The following IDUA variants were observed in gnomAD, a reference collection of about 807,000 sequenced individuals.
IDUA encodes the protein iduronidase alpha-L-.
In IDUA, 65 loss-of-function variants were observed where a neutral mutation model predicts 68.9. That is an observed-to-expected ratio of 0.94 (90% CI 0.77 to 1.16). IDUA has a LOEUF of 1.16. IDUA is among the 50% of genes most tolerant of loss of function. IDUA has a pLI of 0.00. For missense variants in IDUA, 1,046 were observed against 938.0 expected (o/e 1.12, Z -1.50); for synonymous variants, 529 against 433.6 (o/e 1.22, Z -2.73).
In IDUA at chr4:1,002,763, G is replaced by A. The variant is rs1715178296; in HGVS notation, c.1221G>A (p.Gln407=). Residue 407 remains glutamine, a synonymous_variant, in exon 9 of 14, where the codon CAG becomes CAA. Coordinates refer to ENST00000514224, the MANE Select transcript of IDUA (RefSeq NM_000203.5). ...DEEQLWAEVS[Q]AGTVLDSNHT... is the part of the protein sequence containing the mutation. Reference sequence around the variant, plus strand: ...AGCAGCTCTGGGCCGAAGTGTCGCAGGCCGGGACCGTCCTGGACAGCAACC... The same window carrying A: ...AGCAGCTCTGGGCCGAAGTGTCGCAAGCCGGGACCGTCCTGGACAGCAACC... 2 of 1,484,532 alleles carry A rather than the reference G, an allele frequency of 1.3e-6. No individual in the cohort carries two copies. Among genetic ancestry groups the A allele is most frequent in the African/African-American group, 2.9e-5 (2 of 68,334 alleles). 92.0% of individuals were successfully genotyped at this position (1,484,532 alleles called of 1,614,324 possible).
chr4:997,466 C>G (rs886477838), intron 2 of IDUA, among the ~76,000 whole-genome samples: 3 of 151,416 alleles, frequency 2.0e-5, no homozygotes, highest in African/African-American at 7.3e-5. Flanking sequence ...GCCGCGCGGT[C>G]TTAGCGGCTC....
At chr4:1,000,503 T>C (rs1715006484) in intron 2 of IDUA, 109 bp from the exon 3 acceptor site, 1 of 869,596 alleles carries the variant, frequency 1.1e-6, no homozygotes, top group Non-Finnish European at 2.0e-6. Flanking sequence ...ATCGGAGTCC[T>C]GTGTGGCACC....
rs1715260293 is a variant in IDUA at position 1,003,598 on chromosome 4, T to A, written c.1700T>A (p.Val567Asp). The change falls in exon 12 of 14, where the codon GTC becomes GAC. Residue 567 changes from valine to aspartate, a missense_variant. Physicochemically the swap from Val to Asp is radical, Grantham distance 152 (BLOSUM62 -3). Coordinates refer to ENST00000514224, the MANE Select transcript of IDUA (RefSeq NM_000203.5). Reference sequence around the variant, plus strand: ...CTGACCCAAGGGCAGCTGGTTCTGGTCTGGTCGGATGAACACGTGGGCTCC... The same window carrying A: ...CTGACCCAAGGGCAGCTGGTTCTGGACTGGTCGGATGAACACGTGGGCTCC... Reference protein sequence around the residue: ...LPLTQGQLVLVWSDEHVGSKC... With the variant: ...LPLTQGQLVLDWSDEHVGSKC... 6.2e-7 allele frequency: 1 copy of A among 1,612,088 alleles called. No individual in the cohort carries two copies. The highest frequency in any genetic ancestry group is 1.7e-5 in the Admixed American group (1 of 59,986).
intron 2 of IDUA, chr4:988,274 G>A: frequency 1.7e-6 from 2 of 1,199,704 alleles, no homozygotes; most frequent in Non-Finnish European, 2.1e-6. Flanking sequence ...TGAGGGCTGA[G>A]CTGAGGTCTC....
In IDUA at chr4:989,670, C is replaced by G. The variant is rs538575250; in HGVS notation, c.299+1721C>G. On this transcript the variant is annotated intron_variant, in intron 2 of 13. Coordinates refer to ENST00000514224, the MANE Select transcript of IDUA (RefSeq NM_000203.5). ...GTGCCAGCGCCAGCAGCACCAGCAG[C>G]ACCACGGTGGCGCTGACCACGCTGG... 40 of 1,574,942 alleles carry G rather than the reference C, an allele frequency of 2.5e-5. No individual in the cohort carries two copies. In the South Asian group the frequency reaches 4.2e-4, roughly 16 times the overall value.
At position 1,003,148 on chromosome 4, in the gene IDUA, C is replaced by G; in HGVS notation, c.1515C>G (p.Arg505=). ...CGGCAGAGCAGTTCCGGCGCATGCG[C>G]GCGGCTGAGGTAGGTGGGCCGCGGA... ...FPTAEQFRRM[R]AAEDPVAAAP... The change falls in exon 10 of 14, where the codon CGC becomes CGG. Residue 505 remains arginine, a synonymous_variant. Transcript: ENST00000514224. 1 of 1,361,156 alleles carries G rather than the reference C, an allele frequency of 7.3e-7. No homozygotes were observed. The highest frequency in any genetic ancestry group is 9.5e-7 in the Non-Finnish European group (1 of 1,052,614). The allele number at this position is 1,361,156 out of a possible 1,614,324, so 84.3% of individuals were successfully genotyped here. A position where few individuals can be genotyped will look rare whatever the true frequency, so the allele number is the denominator to read the frequency against.
chr4:997,915 C>A (rs938813746), intron 2 of IDUA, among the ~76,000 whole-genome samples: 1 of 152,232 alleles, frequency 6.6e-6, no homozygotes, highest in Admixed American at 6.5e-5. Context: ...GGGCTCCCCC[C>A]GCTAGGGTCA....
intron 2 of IDUA, among the ~76,000 whole-genome samples, chr4:994,812 G>C (rs1465575745): frequency 6.6e-6 from 1 of 152,014 alleles, no homozygotes; most frequent in Admixed American, 6.6e-5. Flanking sequence ...CTGTATCCCA[G>C]CTACTCAAGC....
chr4:1,003,810 G>A, intron 12 of IDUA, 185 bp downstream of exon 12: 1 of 792,958 alleles, frequency 1.3e-6, no homozygotes, highest in South Asian at 1.5e-5. Context: ...CCAGTGGGGT[G>A]TGGGTTCTCC....
At position 987,109 on chromosome 4, in the gene IDUA, G is replaced by C; in HGVS notation, c.25G>C (p.Ala9Pro). 6.9e-7 allele frequency: 1 copy of C among 1,445,170 alleles called. No individual in the cohort carries two copies. Among genetic ancestry groups the C allele is most frequent in the Non-Finnish European group, 9.1e-7 (1 of 1,103,208 alleles). 89.5% of individuals were successfully genotyped at this position (1,445,170 alleles called of 1,614,324 possible). The change falls in exon 1 of 14, where the codon GCG becomes CCG. Residue 9 changes from alanine (A) to proline (P), a missense_variant. Ala to Pro is a conservative substitution (Grantham distance 27, BLOSUM62 -1). Coordinates refer to ENST00000514224, the MANE Select transcript of IDUA (RefSeq NM_000203.5). MRPLRPRA[A>P]LLALLASLLA... ...CATGCGTCCCCTGCGCCCCCGCGCC[G>C]CGCTGCTGGCGCTCCTGGCCTCGCT...
chr4:1,001,869 C>A lies in IDUA; in HGVS notation c.780C>A (p.Ser260=). 1 of 1,589,206 alleles carries A rather than the reference C, an allele frequency of 6.3e-7. No individual in the cohort carries two copies. The highest frequency in any genetic ancestry group is 1.7e-4 in the Middle Eastern group (1 of 6,034). ...CGGGCGTGCGGCTGGACTACATCTCCCTCCACAGGAAGGTGCGCCCTGCCC... is the reference window on the plus strand; with the variant it reads ...CGGGCGTGCGGCTGGACTACATCTCACTCCACAGGAAGGTGCGCCCTGCCC... ...GEAGVRLDYI[S]LHRKGARSSI... is the part of the protein sequence containing the mutation. The change falls in exon 6 of 14, where the codon TCC becomes TCA. Residue 260 remains serine, a synonymous_variant. Coordinates refer to ENST00000514224, the MANE Select transcript of IDUA (RefSeq NM_000203.5).
chr4:988,402 G>A (rs894560508), intron 2 of IDUA: 4 of 1,059,730 alleles, frequency 3.8e-6, no homozygotes, highest in Admixed American at 1.0e-4. Flanking sequence ...AGAGACCCTC[G>A]TGCACTTGGC....
At chr4:997,144 C>A (rs1714785018) in intron 2 of IDUA, among the ~76,000 whole-genome samples, 1 of 152,198 alleles carries the variant, frequency 6.6e-6, no homozygotes, top group African/African-American at 2.4e-5. Context: ...GAGACCGGAC[C>A]CGAGTTTATT....
rs188390678 is a variant in IDUA at position 998,987 on chromosome 4, G to A, written c.300-1625G>A. 1.6e-3 allele frequency among the ~76,000 whole-genome samples: 249 copies of A among 152,142 alleles called. 1 individual carries two copies. Among genetic ancestry groups the A allele is most frequent in the Middle Eastern group, 3.4e-3 (1 of 294 alleles). On this transcript the variant is annotated intron_variant, in intron 2 of 13. Transcript: ENST00000514224. ...CTGGAAGCCAAGGTGGGCGGATCAC[G>A]AGGTCAGGAAATGGAAACCATCCTG...
chr4:999,140 G>A lies in IDUA; in HGVS notation c.300-1472G>A, dbSNP rs531326492. ...GAATGGTGTGAACCCGGGAGGGGGA[G>A]CTTGCAGTGAGCCGAGATCGCGCCA... On this transcript the variant is annotated intron_variant, in intron 2 of 13. Coordinates refer to ENST00000514224, the MANE Select transcript of IDUA (RefSeq NM_000203.5). Among the ~76,000 whole-genome samples, 209 of 151,780 alleles carry A rather than the reference G, an allele frequency of 1.4e-3. 1 individual carries two copies. Among genetic ancestry groups the A allele is most frequent in the African/African-American group, 4.7e-3 (196 of 41,282 alleles).
Position 1,004,041 on chromosome 4 carries a change from C to T in IDUA, c.1757C>T (p.Ser586Phe), listed in dbSNP as rs187833337. 80 of 1,612,286 alleles carry T rather than the reference C, an allele frequency of 5.0e-5. No individual in the cohort carries two copies. The African/African-American group carries it at 5.9e-4, about 12-fold the overall frequency. The change falls in exon 13 of 14, where the codon TCT becomes TTT. Residue 586 changes from serine (S) to phenylalanine (F), a missense_variant. Physicochemically the swap from Ser to Phe is radical, Grantham distance 155 (BLOSUM62 -2). Coordinates refer to ENST00000514224, the MANE Select transcript of IDUA (RefSeq NM_000203.5). This position sits in a 1 kb window ranked among gnomAD's most constrained non-coding sequence, Gnocchi z 5.0. ...KCLWTYEIQF[S>F]QDGKAYTPVS... ...CTGTGGACATACGAGATCCAGTTCTCTCAGGACGGTAAGGCGTACACCCCG... is the reference window on the plus strand; with the variant it reads ...CTGTGGACATACGAGATCCAGTTCTTTCAGGACGGTAAGGCGTACACCCCG...
chr4:1,003,877 G>C (rs1715280022), intron 12 of IDUA, 135 bp from the exon 13 acceptor site: 2 of 870,762 alleles, frequency 2.3e-6, no homozygotes, highest in Non-Finnish European at 2.0e-6. Flanking sequence ...GGCAGGAAGA[G>C]TGCCCAGGGG....
chr4:987,310 C>T, intron 1 of IDUA, 68 bp downstream of exon 1: 1 of 1,388,078 alleles, frequency 7.2e-7, no homozygotes, highest in Non-Finnish European at 9.7e-7. Flanking sequence ...CCTGACTGCG[C>T]ACTGTGAGAG....
chr4:1,001,619 A>G lies in IDUA; in HGVS notation c.589+56A>G, dbSNP rs951768190. On this transcript the variant is annotated intron_variant, in intron 5 of 13. Transcript: ENST00000514224. ...CTGAAAGGGGGCAGAGGAAGGCAGGAGCAGAGGCTAAGCCGCTCATCCCCA... is the reference window on the plus strand; with the variant it reads ...CTGAAAGGGGGCAGAGGAAGGCAGGGGCAGAGGCTAAGCCGCTCATCCCCA... 1.2e-5 allele frequency: 20 copies of G among 1,608,948 alleles called. No individual in the cohort carries two copies. The African/African-American group carries it at 2.3e-4, about 18-fold the overall frequency.
Sources: gnomAD v4.1 joint callset for allele counts (sites outside exome capture counted in the v4.1 genomes callset) on GRCh38, gnomAD v4.1.1 for gene constraint, Gnocchi (gnomAD v3.1) non-coding constraint, MANE v1.5 for transcripts, NCBI Gene and HGNC (gene_info 2026-07-23, HGNC 2026-07-21) for gene names.